The following APOOL variants were observed in gnomAD, a reference collection of about 807,000 sequenced individuals.
APOOL encodes MICOS complex subunit MIC27.
In APOOL, 12 loss-of-function variants were observed where a neutral mutation model predicts 23.1. That is an observed-to-expected ratio of 0.52 (90% CI 0.33 to 0.84). The LOEUF is 0.84. Among genes scored for constraint, APOOL ranks in the 40% least tolerant of loss-of-function variants. APOOL has a pLI of 0.02. For synonymous variants in APOOL, 77 were observed against 69.9 expected (o/e 1.10, Z -0.51); for missense variants, 212 against 199.6 (o/e 1.06, Z -0.37).
At chrX:85,082,939 T>C (rs1277621839) in intron 8 of APOOL, among the ~76,000 whole-genome samples, 2 of 111,586 alleles carry the variant, frequency 1.8e-5, no homozygotes, top group African/African-American at 6.5e-5. Flanking sequence ...CTACAGTTTT[T>C]TGGTGCTGTG....
At chrX:85,005,515 T>A (rs1306792661) in intron 1 of APOOL, among the ~76,000 whole-genome samples, 3 of 108,177 alleles carry the variant, frequency 2.8e-5, no homozygotes, top group Non-Finnish European at 5.7e-5. Flanking sequence ...CTGGGCACAC[T>A]CTTAACCAAG....
intron 1 of APOOL, among the ~76,000 whole-genome samples, chrX:85,023,431 C>A (rs1921736496): frequency 9.0e-6 from 1 of 111,604 alleles, no homozygotes; most frequent in African/African-American, 3.3e-5. Flanking sequence ...TGAAAGCTAT[C>A]CCATGGTTAT....
chrX:85,067,629 C>A (rs1313522329), intron 6 of APOOL, among the ~76,000 whole-genome samples: 1 of 74,597 alleles, frequency 1.3e-5, no homozygotes, highest in East Asian at 3.3e-4. Flanking sequence ...GAAGGTAAAA[C>A]ACACACACAC....
At chrX:85,057,198 C>T (rs1312288338) in intron 5 of APOOL, among the ~76,000 whole-genome samples, 1 of 110,666 alleles carries the variant, frequency 9.0e-6, no homozygotes, top group Admixed American at 9.8e-5. Flanking sequence ...TTCATTTCTC[C>T]AAGCCCTTAC....
At position 85,016,766 on chromosome X, in the gene APOOL, T is replaced by C. The variant is rs1240367227; in HGVS notation, c.15+12839T>C. ...TTCTCTACTGTGCCCAGCATTGCAATTGTGTCTCTGCTGTGAGAAACTACC... is the reference window on the plus strand; with the variant it reads ...TTCTCTACTGTGCCCAGCATTGCAACTGTGTCTCTGCTGTGAGAAACTACC... On this transcript the variant is annotated intron_variant, in intron 1 of 8. Coordinates refer to ENST00000373173, the MANE Select transcript of APOOL (RefSeq NM_198450.6). Among the ~76,000 whole-genome samples, 4 of 112,035 alleles carry C rather than the reference T, an allele frequency of 3.6e-5. 1 individual carries two copies. Among genetic ancestry groups the C allele is most frequent in the Admixed American group, 2.8e-4 (3 of 10,634 alleles).
chrX:85,041,264 A>G (rs867589686), intron 1 of APOOL, among the ~76,000 whole-genome samples: 3 of 111,583 alleles, frequency 2.7e-5, no homozygotes, highest in African/African-American at 9.8e-5. Flanking sequence ...ACTTTTCTGT[A>G]AGGCTGCTGC....
In APOOL at chrX:85,092,516, TGAC is replaced by T. The variant is rs1924553029; in HGVS notation, c.*4842_*4844del. ...TAGTTGATAGAAGCCTGGTTCCAAA[TGAC>T]GACAAGAAAGTGCATGCAGTTACAT... On this transcript the variant is annotated 3_prime_UTR_variant, in exon 9 of 9. Coordinates refer to ENST00000373173, the MANE Select transcript of APOOL (RefSeq NM_198450.6). 1 of 1,210,818 alleles carries T rather than the reference TGAC, an allele frequency of 8.3e-7. No individual in the cohort carries two copies. The highest frequency in any genetic ancestry group is 1.1e-6 in the Non-Finnish European group (1 of 894,818).
intron 5 of APOOL, among the ~76,000 whole-genome samples, chrX:85,062,955 A>T (rs4828123): frequency 9.1e-6 from 1 of 110,449 alleles, no homozygotes; most frequent in Non-Finnish European, 1.9e-5. Flanking sequence ...CCATTGGGCA[A>T]CATGGCCATT....
chrX:85,047,647 T>G (rs925702844), intron 2 of APOOL, among the ~76,000 whole-genome samples: 5 of 111,436 alleles, frequency 4.5e-5, no homozygotes, highest in Admixed American at 3.8e-4. Flanking sequence ...GCATTTGAAC[T>G]TTTTGGACTC....
intron 1 of APOOL, among the ~76,000 whole-genome samples, chrX:85,041,444 G>T (rs1051745782): frequency 3.2e-4 from 36 of 111,556 alleles, no homozygotes; most frequent in Non-Finnish European, 7.5e-5. Flanking sequence ...CTTAGGTGGG[G>T]TTGGTGTGGT....
Position 85,092,464 on chromosome X carries a change from A to G in APOOL, c.*4786A>G, listed in dbSNP as rs112886077. 1 of 1,205,661 alleles carries G rather than the reference A, an allele frequency of 8.3e-7. No homozygotes were observed. The highest frequency in any genetic ancestry group is 1.1e-6 in the Non-Finnish European group (1 of 892,285). On this transcript the variant is annotated 3_prime_UTR_variant, in exon 9 of 9. Coordinates refer to ENST00000373173, the MANE Select transcript of APOOL (RefSeq NM_198450.6). Reference sequence around the variant, plus strand: ...GAGATGCCAGCCCTCCTCAGAGGAAAGGTCTAAAGCCCCTCGACTAGTATA... The same window carrying G: ...GAGATGCCAGCCCTCCTCAGAGGAAGGGTCTAAAGCCCCTCGACTAGTATA...
chrX:85,049,235 A>C (rs1373563558), intron 2 of APOOL, among the ~76,000 whole-genome samples: 7 of 111,647 alleles, frequency 6.3e-5, no homozygotes, highest in Admixed American at 9.6e-5. Context: ...GGTCTCTAAA[A>C]TTTGTAGTGA....
chrX:85,051,549 G>A (rs1276708716), intron 3 of APOOL, 41 bp downstream of exon 3: 1 of 1,203,860 alleles, frequency 8.3e-7, no homozygotes, highest in East Asian at 3.0e-5. Context: ...AGAGATTTCT[G>A]ATTAATTGTT....
At chrX:85,058,696 G>A (rs1923067138) in intron 5 of APOOL, among the ~76,000 whole-genome samples, 1 of 111,218 alleles carries the variant, frequency 9.0e-6, no homozygotes, top group Non-Finnish European at 1.9e-5. Context: ...CACCAACAGT[G>A]TAAAAGTGTT....
chrX:85,015,995 T>C (rs1260147685), intron 1 of APOOL, among the ~76,000 whole-genome samples: 2 of 110,869 alleles, frequency 1.8e-5, no homozygotes, highest in Non-Finnish European at 3.8e-5. Context: ...GTTGTGGTAG[T>C]TATATTTGTG....
intron 1 of APOOL, among the ~76,000 whole-genome samples, chrX:85,030,910 T>C (rs970580135): frequency 1.8e-5 from 2 of 112,102 alleles, no homozygotes; most frequent in Non-Finnish European, 3.8e-5. Context: ...ACTATTGAAA[T>C]AGTAGATACA....
At chrX:85,069,610 T>TA (rs774325087) in intron 6 of APOOL, among the ~76,000 whole-genome samples, 1,767 of 40,904 alleles carry the variant, frequency 0.043, 125 homozygotes, top group African/African-American at 0.13. Flanking sequence ...ACGCCATCTC[T>TA]AAAAAAAAAA....
At chrX:85,083,246 A>C (rs962633354) in intron 8 of APOOL, among the ~76,000 whole-genome samples, 1 of 111,827 alleles carries the variant, frequency 8.9e-6, no homozygotes, top group African/African-American at 3.2e-5. Context: ...GACAGTCAAA[A>C]GAAAAAATAC....
intron 2 of APOOL, among the ~76,000 whole-genome samples, chrX:85,049,290 G>C (rs1922681035): frequency 9.0e-6 from 1 of 111,339 alleles, no homozygotes; most frequent in Admixed American, 9.6e-5. Flanking sequence ...CTACTGGCTA[G>C]CTCTTAAAAT....
Sources: gnomAD v4.1 joint callset for allele counts (sites outside exome capture counted in the v4.1 genomes callset) on GRCh38, gnomAD v4.1.1 for gene constraint, MANE v1.5 for transcripts, NCBI Gene and HGNC (gene_info 2026-07-23, HGNC 2026-07-21) for gene names.